Variants in BAIAP3 observed in about 807,000 individuals in gnomAD.
BAIAP3 encodes the protein BAI1 associated protein 3.
Under a neutral mutation model 149.7 loss-of-function variants are expected in BAIAP3, and 180 were observed. That is an observed-to-expected ratio of 1.20 (90% confidence interval 1.07 to 1.36). BAIAP3 has a LOEUF of 1.36. BAIAP3 is among the 40% of genes most tolerant of loss of function. The pLI, the probability that BAIAP3 is intolerant of heterozygous loss-of-function variation, is 0.00. For missense variants in BAIAP3, 1,767 were observed against 1,563.4 expected (o/e 1.13, Z -2.20); for synonymous variants, 845 against 670.7 (o/e 1.26, Z -4.02).
At chr16:1,334,031 G>A (rs1262089527) in intron 1 of BAIAP3, among the ~76,000 whole-genome samples, 2 of 151,772 alleles carry the variant, frequency 1.3e-5, no homozygotes, top group East Asian at 3.9e-4. Flanking sequence ...GGAGCGGACG[G>A]GGAGGGTATC....
Position 1,341,919 on chromosome 16 carries a change from G to T in BAIAP3, c.776+53G>T, listed in dbSNP as rs1596572025. 1.9e-6 allele frequency: 3 copies of T among 1,595,760 alleles called. No homozygotes were observed. In the East Asian group the frequency reaches 6.7e-5, roughly 36 times the overall value. On this transcript the variant is annotated intron_variant, in intron 9 of 33. Transcript: ENST00000426824. ...GCGGGGATGCACACCTTTTGCGGGG[G>T]AGCAGGACGGACTCAGGGCCCGGCT...
intron 3 of BAIAP3, 41 bp from the exon 4 acceptor site, chr16:1,339,123 C>G: frequency 6.4e-7 from 1 of 1,572,538 alleles, no homozygotes; most frequent in Non-Finnish European, 8.6e-7. Context: ...GCCTGGGGCT[C>G]TCCCTGCCGT....
chr16:1,343,560 T>G, intron 15 of BAIAP3, 47 bp downstream of exon 15: 4 of 1,595,808 alleles, frequency 2.5e-6, no homozygotes, highest in Non-Finnish European at 3.4e-6. Flanking sequence ...AAGGGAGTGC[T>G]GGGGACTGGG....
At position 1,344,648 on chromosome 16, in the gene BAIAP3, C is replaced by A; in HGVS notation, c.1707C>A (p.Val569=). The change falls in exon 19 of 34, where the codon GTC becomes GTA. Residue 569 remains valine (V), a synonymous_variant. Transcript: ENST00000426824. ...LPGLVVLADA[V]YDDLQFCYSV... ...GGCTGGTTGTGCTGGCTGACGCCGT[C>A]TATGATGACCTTCAGTTCTGCTACA... 6.2e-7 allele frequency: 1 copy of A among 1,613,434 alleles called. No homozygotes were observed. Among genetic ancestry groups the A allele is most frequent in the Non-Finnish European group, 8.5e-7 (1 of 1,180,032 alleles).
At chr16:1,347,844 C>T (rs532639883) in intron 31 of BAIAP3, 23 bp downstream of exon 31, 100 of 1,484,750 alleles carry the variant, frequency 6.7e-5, no homozygotes, top group Admixed American at 7.0e-5. Flanking sequence ...GGGGACGGGT[C>T]GGGTGGTGGT....
chr16:1,341,220 G>A (rs34468534), intron 7 of BAIAP3, 25 bp downstream of exon 7: 579,210 of 1,609,018 alleles, frequency 0.36, 110,011 homozygotes, highest in East Asian at 0.79. Context: ...AGCAGACCTC[G>A]GCTGCGCCGA....
chr16:1,347,195 C>A, intron 28 of BAIAP3, 103 bp from the exon 29 acceptor site: 1 of 1,235,100 alleles, frequency 8.1e-7, no homozygotes, highest in Non-Finnish European at 1.1e-6. Context: ...CCCTTGGCTG[C>A]TGAGCCCCCA....
chr16:1,339,580 G>T lies in BAIAP3; in HGVS notation c.385G>T (p.Ala129Ser). 1 of 1,612,286 alleles carries T rather than the reference G, an allele frequency of 6.2e-7. No homozygotes were observed. The highest frequency in any genetic ancestry group is 1.1e-5 in the South Asian group (1 of 90,956). Residue 129 changes from alanine to serine, a missense_variant, in exon 5 of 34, where the codon GCC becomes TCC. Physicochemically the swap from Ala to Ser is moderately conservative, Grantham distance 99 (BLOSUM62 1). Coordinates refer to ENST00000426824, the MANE Select transcript of BAIAP3 (RefSeq NM_001199097.2). ...MGPDQVDDEE[A>S]LLSYLQQVFG... ...CCCTGACCAGGTGGACGACGAGGAG[G>T]CCCTGCTCAGCTATCTCCAGCAGGT... is the stretch of plus-strand genomic sequence containing the variant.
chr16:1,341,152 C>A lies in BAIAP3; in HGVS notation c.492C>A (p.Val164=), dbSNP rs1287820124. Residue 164 remains valine (V), a synonymous_variant, in exon 7 of 34, where the codon GTC becomes GTA. Coordinates refer to ENST00000426824, the MANE Select transcript of BAIAP3 (RefSeq NM_001199097.2). ...KAKAPTYALK[V]SVMRAKNLLA... ...AGGCCCCCACGTATGCCCTGAAAGT[C>A]TCTGTCATGCGTGCCAAGAACCTTC... 6.2e-7 allele frequency: 1 copy of A among 1,612,628 alleles called. No individual in the cohort carries two copies. The highest frequency in any genetic ancestry group is 8.5e-7 in the Non-Finnish European group (1 of 1,179,844).
At chr16:1,335,797 G>T (rs1163816777) in intron 1 of BAIAP3, among the ~76,000 whole-genome samples, 1 of 152,174 alleles carries the variant, frequency 6.6e-6, no homozygotes, top group African/African-American at 2.4e-5. Context: ...GGTCAGGGGG[G>T]CTGGCCTAGC....
At position 1,336,406 on chromosome 16, in the gene BAIAP3, C is replaced by T. The variant is rs1273125834; in HGVS notation, c.-10-2134C>T. The stretch of plus-strand genomic sequence containing the variant: ...ACTGATAGGTTTGAAGGAGGTGAGT[C>T]CCCCCCGCAAGCATTGCCTCTCACA... On this transcript the variant is annotated intron_variant, in intron 1 of 33. Transcript: ENST00000426824. The T allele has an allele frequency of 4.1e-6, 4 of 983,224 alleles. 1 individual carries two copies. The highest frequency in any genetic ancestry group is 1.0e-3 in the Middle Eastern group (2 of 1,910). The allele number at this position is 983,224 out of a possible 1,614,324, so 60.9% of individuals were successfully genotyped here.
Position 1,343,426 on chromosome 16 carries a change from C to T in BAIAP3, c.1299C>T (p.Thr433=), listed in dbSNP as rs1296149277. The T allele has an allele frequency of 1.3e-6, 2 of 1,577,330 alleles. No individual in the cohort carries two copies. The highest frequency in any genetic ancestry group is 3.7e-5 in the Admixed American group (2 of 54,352). ...AGGTCAGCAGCCGCCACCATCAAAC[C>T]TGCACGCTGGACTACAGCTACCTGC... The part of the protein sequence containing the change: ...HWQVSSRHHQ[T]CTLDYSYLLG... Residue 433 remains threonine, a synonymous_variant, in exon 15 of 34, where the codon ACC becomes ACT. Coordinates refer to ENST00000426824, the MANE Select transcript of BAIAP3 (RefSeq NM_001199097.2).
At chr16:1,334,853 A>T in intron 1 of BAIAP3, 1 of 1,209,692 alleles carries the variant, frequency 8.3e-7, no homozygotes, top group Non-Finnish European at 1.2e-6. Context: ...TGGAGAGAAG[A>T]CCAAGAGGGC....
intron 1 of BAIAP3, among the ~76,000 whole-genome samples, chr16:1,337,514 G>C (rs1327565419): frequency 6.6e-6 from 1 of 152,228 alleles, no homozygotes; most frequent in Non-Finnish European, 1.5e-5. Context: ...GGAGGCTGCA[G>C]TGAGCTGAGA....
chr16:1,334,654 C>T, intron 1 of BAIAP3: 1 of 1,547,948 alleles, frequency 6.5e-7, no homozygotes. Flanking sequence ...TCCCGGGGTT[C>T]GACTGGAATG....
At position 1,348,683 on chromosome 16, in the gene BAIAP3, C is replaced by T; in HGVS notation, c.*201C>T. ...GTGCTGTGAACCCCTGCACCCAACC[C>T]CACATCTGGGTGGCCAACTTGGCAG... is the stretch of plus-strand genomic sequence containing the variant. On this transcript the variant is annotated 3_prime_UTR_variant, in exon 34 of 34. Transcript: ENST00000426824. The T allele has an allele frequency of 6.5e-6, 4 of 618,304 alleles. No individual in the cohort carries two copies. In the South Asian group the frequency reaches 7.8e-5, roughly 12 times the overall value. The allele number at this position is 618,304 out of a possible 1,614,324, so 38.3% of individuals were successfully genotyped here.
intron 14 of BAIAP3, 162 bp from the exon 15 acceptor site, chr16:1,343,231 T>G (rs1184403459): frequency 8.3e-7 from 1 of 1,200,620 alleles, no homozygotes; most frequent in African/African-American, 1.5e-5. Context: ...CATGAGTAGG[T>G]ACGGCAGCGC....
At position 1,346,992 on chromosome 16, in the gene BAIAP3, C is replaced by T. The variant is rs533888950; in HGVS notation, c.2751+37C>T. Reference sequence around the variant, plus strand: ...TGAAGGAGTCCTCCCCGCCGGCCCCCGCCTCAGGGCTGCTCTGATCCCTCC... The same window carrying T: ...TGAAGGAGTCCTCCCCGCCGGCCCCTGCCTCAGGGCTGCTCTGATCCCTCC... On this transcript the variant is annotated intron_variant, in intron 28 of 33. Transcript: ENST00000426824. 69 of 1,544,526 alleles carry T rather than the reference C, an allele frequency of 4.5e-5. No individual in the cohort carries two copies. The Middle Eastern group carries it at 4.1e-3, about 91-fold the overall frequency.
Position 1,341,528 on chromosome 16 carries a change from T to C in BAIAP3, c.731+39T>C. ...CCGTCTGGGTGCGGGAGGGGGGCTC[T>C]GCCTGGGGTCCAGAGCTGGGCTGTG... is the stretch of plus-strand genomic sequence containing the variant. On this transcript the variant is annotated intron_variant, in intron 8 of 33. Coordinates refer to ENST00000426824, the MANE Select transcript of BAIAP3 (RefSeq NM_001199097.2). The C allele has an allele frequency of 1.9e-6, 3 of 1,583,386 alleles. No homozygotes were observed. The South Asian group carries it at 3.4e-5, about 18-fold the overall frequency.
Sources: gnomAD v4.1 joint callset for allele counts (sites outside exome capture counted in the v4.1 genomes callset) on GRCh38, gnomAD v4.1.1 for gene constraint, MANE v1.5 for transcripts, NCBI Gene and HGNC (gene_info 2026-07-23, HGNC 2026-07-21) for gene names.